The following DEPTOR variants were observed in gnomAD, a reference collection of about 807,000 sequenced individuals.
DEPTOR encodes DEP domain-containing mTOR-interacting protein.
In DEPTOR, 41 loss-of-function variants were observed where a neutral mutation model predicts 41.6. The ratio of observed to expected loss-of-function variants is 0.98; its 90% CI spans 0.77 to 1.28. The LOEUF (loss-of-function observed/expected upper bound fraction) is 1.28, where lower values mean the gene tolerates loss of function less well. Among genes scored for constraint, DEPTOR ranks in the 50% most tolerant of loss-of-function variants. DEPTOR has a pLI of 0.00. For synonymous variants in DEPTOR, 195 were observed against 192.3 expected (o/e 1.01, Z -0.12); for missense variants, 514 against 527.9 (o/e 0.97, Z 0.26).
At chr8:119,898,490 A>G (rs1827548199) in intron 1 of DEPTOR, among the ~76,000 whole-genome samples, 2 of 152,164 alleles carry the variant, frequency 1.3e-5, no homozygotes, top group African/African-American at 4.8e-5. Context: ...TTGGGAGGCC[A>G]AGAAGGGCAG....
At chr8:119,909,693 T>C (rs1461246302) in intron 1 of DEPTOR, among the ~76,000 whole-genome samples, 2 of 152,276 alleles carry the variant, frequency 1.3e-5, no homozygotes, top group African/African-American at 4.8e-5. Flanking sequence ...TTCTAGATTC[T>C]GTGTGTGGCC....
intron 1 of DEPTOR, among the ~76,000 whole-genome samples, chr8:119,877,112 G>A (rs1385262476): frequency 1.3e-5 from 2 of 152,164 alleles, no homozygotes; most frequent in African/African-American, 2.4e-5. Flanking sequence ...CTGTGTCTCA[G>A]TTTCCTCTTC....
At chr8:120,032,813 C>T (rs1264305769) in intron 8 of DEPTOR, among the ~76,000 whole-genome samples, 1 of 152,194 alleles carries the variant, frequency 6.6e-6, no homozygotes, top group Non-Finnish European at 1.5e-5. Flanking sequence ...TTCTGGCCAA[C>T]TTGAATCTGG....
At chr8:119,952,576 C>T (rs1828367932) in intron 3 of DEPTOR, among the ~76,000 whole-genome samples, 2 of 152,186 alleles carry the variant, frequency 1.3e-5, no homozygotes, top group Non-Finnish European at 1.5e-5. Flanking sequence ...ATGCACCGTG[C>T]CCTCCCACTG....
chr8:119,930,214 T>C (rs1206313640), intron 3 of DEPTOR, among the ~76,000 whole-genome samples: 1 of 152,194 alleles, frequency 6.6e-6, no homozygotes, highest in Non-Finnish European at 1.5e-5. Context: ...CATCAAATGA[T>C]GTGGATGCCC....
intron 1 of DEPTOR, among the ~76,000 whole-genome samples, chr8:119,898,779 A>G (rs1827552164): frequency 6.6e-6 from 1 of 152,054 alleles, no homozygotes; most frequent in South Asian, 2.1e-4. Flanking sequence ...GGACATTGTG[A>G]TAGTTTTGAT....
In DEPTOR at chr8:119,911,341, G is replaced by A. The variant is rs1205128826; in HGVS notation, c.123-17059G>A. Among the ~76,000 whole-genome samples, 5 of 127,498 alleles carry A rather than the reference G, an allele frequency of 3.9e-5. 1 individual carries two copies. Among genetic ancestry groups the A allele is most frequent in the African/African-American group, 6.0e-5 (2 of 33,404 alleles). 83.6% of individuals were successfully genotyped at this position (127,498 alleles called of 152,430 possible). On this transcript the variant is annotated intron_variant, in intron 1 of 8. Transcript: ENST00000286234. Reference sequence around the variant, plus strand: ...TTTTTTTTTTTTTTTTTTTTGAGACGGAGTTTCACTCTTGTCACCCTGGCT... The same window carrying A: ...TTTTTTTTTTTTTTTTTTTTGAGACAGAGTTTCACTCTTGTCACCCTGGCT...
chr8:119,929,306 A>G (rs2129852294), intron 2 of DEPTOR, among the ~76,000 whole-genome samples: 1 of 152,190 alleles, frequency 6.6e-6, no homozygotes. Flanking sequence ...CTCCACTTAC[A>G]TGAAAACTCT....
At chr8:119,977,191 C>T (rs1001992217) in intron 4 of DEPTOR, among the ~76,000 whole-genome samples, 37 of 152,052 alleles carry the variant, frequency 2.4e-4, no homozygotes, top group African/African-American at 6.8e-4. Flanking sequence ...TTGGTAGAGA[C>T]GGGGTTTCGC....
At chr8:119,885,161 A>G (rs192706315) in intron 1 of DEPTOR, among the ~76,000 whole-genome samples, 4 of 151,998 alleles carry the variant, frequency 2.6e-5, no homozygotes, top group Admixed American at 2.6e-4. Flanking sequence ...TTTTCACTGA[A>G]TTTTTTTTAA....
At chr8:119,994,048 C>T (rs753660417) in intron 4 of DEPTOR, among the ~76,000 whole-genome samples, 18 of 151,346 alleles carry the variant, frequency 1.2e-4, no homozygotes, top group Admixed American at 2.0e-4. Flanking sequence ...CCCAGCTACT[C>T]GGGAGGCTGA....
At chr8:119,970,925 C>T (rs1828623342) in intron 4 of DEPTOR, among the ~76,000 whole-genome samples, 1 of 152,114 alleles carries the variant, frequency 6.6e-6, no homozygotes, top group South Asian at 2.1e-4. Context: ...TCCCCTTTGC[C>T]ATCTGAAGGT....
intron 1 of DEPTOR, among the ~76,000 whole-genome samples, chr8:119,895,341 AAT>A (rs1304185687): frequency 1.3e-5 from 2 of 152,212 alleles, no homozygotes; most frequent in African/African-American, 4.8e-5. Flanking sequence ...GATAAAGGTG[AAT>A]ACCACAACAT....
At chr8:119,933,132 A>G (rs918139080) in intron 3 of DEPTOR, among the ~76,000 whole-genome samples, 2 of 152,046 alleles carry the variant, frequency 1.3e-5, no homozygotes, top group Non-Finnish European at 2.9e-5. Flanking sequence ...CTCTGCCTAG[A>G]GGACTCATGC....
At chr8:119,923,893 C>CTTTTCTT (rs1554673843) in intron 1 of DEPTOR, among the ~76,000 whole-genome samples, 38 of 104,990 alleles carry the variant, frequency 3.6e-4, no homozygotes, top group African/African-American at 1.1e-3. Context: ...TTTTTTCTTT[C>CTTTTCTT]TTTTTTTTTT....
In DEPTOR at chr8:119,909,855, T is replaced by C. The variant is rs764381839; in HGVS notation, c.123-18545T>C. ...AATGAGATGCAGTATGTAGAGGTAA[T>C]TAATAAGCCATAATGTGCTGAGCAC... On this transcript the variant is annotated intron_variant, in intron 1 of 8. Transcript: ENST00000286234. 8.5e-5 allele frequency among the ~76,000 whole-genome samples: 13 copies of C among 152,346 alleles called. No homozygotes were observed. The East Asian group carries it at 1.3e-3, about 16-fold the overall frequency.
chr8:120,030,498 T>TTTTTTG (rs1554587086), intron 8 of DEPTOR, among the ~76,000 whole-genome samples: 1 of 43,660 alleles, frequency 2.3e-5, no homozygotes, highest in African/African-American at 1.5e-4. Context: ...GGTTCATCAG[T>TTTTTTG]TTTTTTTTTT....
chr8:120,012,055 A>G (rs186906114), intron 8 of DEPTOR, among the ~76,000 whole-genome samples: 2 of 152,332 alleles, frequency 1.3e-5, no homozygotes, highest in African/African-American at 2.4e-5. Context: ...GAAAACTCTG[A>G]CAAACCTGGC....
At chr8:119,923,807 G>A (rs928703363) in intron 1 of DEPTOR, among the ~76,000 whole-genome samples, 3 of 149,956 alleles carry the variant, frequency 2.0e-5, no homozygotes, top group South Asian at 2.1e-4. Flanking sequence ...CTTGAATTGT[G>A]TTTTCTTTCA....
Sources: gnomAD v4.1 joint callset for allele counts (sites outside exome capture counted in the v4.1 genomes callset) on GRCh38, gnomAD v4.1.1 for gene constraint, MANE v1.5 for transcripts, NCBI Gene and HGNC (gene_info 2026-07-23, HGNC 2026-07-21) for gene names.